The following ICE1 variants were observed in gnomAD, a reference collection of about 807,000 sequenced individuals.
ICE1 encodes the protein little elongation complex subunit 1.
A neutral mutation model predicts 192.7 loss-of-function variants in ICE1; 64 were observed. The observed-to-expected ratio is 0.33, with a 90% CI of 0.27 to 0.41. The LOEUF is 0.41. Ranked by LOEUF, ICE1 falls within the 10% of genes least tolerant of loss-of-function variation. ICE1 has a pLI of 1.00. For missense variants in ICE1, 2,708 were observed against 2,696.0 expected (o/e 1.00, Z -0.10); for synonymous variants, 1,010 against 984.5 (o/e 1.03, Z -0.49).
intron 14 of ICE1, 93 bp downstream of exon 14, chr5:5,466,595 T>G (rs1579570082): frequency 1.9e-6 from 2 of 1,058,856 alleles, no homozygotes; most frequent in East Asian, 5.2e-5. Context: ...GATTACTGTG[T>G]GTCTTTTAAA....
intron 17 of ICE1, among the ~76,000 whole-genome samples, chr5:5,482,430 A>C (rs1487569821): frequency 6.6e-6 from 1 of 152,234 alleles, no homozygotes; most frequent in African/African-American, 2.4e-5. Context: ...GATAATTAGA[A>C]AGCGTAATGT....
At chr5:5,473,427 A>G (rs1739222306) in intron 15 of ICE1, 131 bp from the exon 16 acceptor site, 1 of 767,670 alleles carries the variant, frequency 1.3e-6, no homozygotes, top group Admixed American at 3.2e-5. Context: ...TCCTTAGTCA[A>G]ACTGTTTTAA....
chr5:5,456,405 A>G (rs1010290181), intron 11 of ICE1, among the ~76,000 whole-genome samples: 3 of 152,158 alleles, frequency 2.0e-5, no homozygotes, highest in Non-Finnish European at 4.4e-5. Context: ...TTCCATCTGC[A>G]TTCATTAATT....
chr5:5,477,700 A>G (rs1008293680), intron 17 of ICE1, among the ~76,000 whole-genome samples: 2 of 152,222 alleles, frequency 1.3e-5, no homozygotes, highest in Non-Finnish European at 2.9e-5. Flanking sequence ...TTTCAGGCCA[A>G]CGTCTCCAGT....
rs375342266 is a variant in ICE1, at chr5:5,466,296, G to T, written c.5893-38G>T. On this transcript the variant is annotated intron_variant, in intron 13 of 18. Coordinates refer to ENST00000296564, the MANE Select transcript of ICE1 (RefSeq NM_015325.3). ...TCTTTGGTAGGCTGAAGATAAGTATGAGTGTACATTGCCTTTTTAATTTTT... is the reference window on the plus strand; with the variant it reads ...TCTTTGGTAGGCTGAAGATAAGTATTAGTGTACATTGCCTTTTTAATTTTT... 6.5e-6 allele frequency: 10 copies of T among 1,531,040 alleles called. No homozygotes were observed. The South Asian group carries it at 1.3e-4, about 19-fold the overall frequency. The allele number at this position is 1,531,040 out of a possible 1,614,324, so 94.8% of individuals were successfully genotyped here.
At position 5,461,770 on chromosome 5, in the gene ICE1, A is replaced by G. The variant is rs559445267; in HGVS notation, c.2436A>G (p.Glu812=). The G allele has an allele frequency of 6.2e-7, 1 of 1,613,904 alleles. No individual in the cohort carries two copies. Among genetic ancestry groups the G allele is most frequent in the African/African-American group, 1.3e-5 (1 of 75,068 alleles). The change falls in exon 13 of 19, where the codon GAA becomes GAG. Residue 812 remains glutamate (E), a synonymous_variant. Coordinates refer to ENST00000296564, the MANE Select transcript of ICE1 (RefSeq NM_015325.3). ...EESLRAKSEH[E]QKTSHQLQKA... is the part of the protein sequence containing the mutation. ...GTCTGAGAGCCAAATCAGAACATGA[A>G]CAGAAGACTAGCCATCAGTTACAAA...
In ICE1 at chr5:5,462,552, C is replaced by T. The variant is rs1738828522; in HGVS notation, c.3218C>T (p.Ser1073Leu). 6.2e-7 allele frequency: 1 copy of T among 1,613,866 alleles called. No homozygotes were observed. Among genetic ancestry groups the T allele is most frequent in the Non-Finnish European group, 8.5e-7 (1 of 1,179,894 alleles). The change falls in exon 13 of 19, where the codon TCA becomes TTA. Residue 1073 changes from serine (S) to leucine (L), a missense_variant. This residue lies in a region of ICE1 where 2,366 missense variants were observed against 2,276.6 expected (regional missense o/e 1.04). Transcript: ENST00000296564. ...CFGTTDTTFS[S>L]AFCRKHGETQ... ...GGCACCACAGACACTACTTTTTCTT[C>T]AGCATTTTGCAGAAAACATGGAGAG...
At chr5:5,448,435 A>G (rs908968190) in intron 10 of ICE1, among the ~76,000 whole-genome samples, 2 of 152,240 alleles carry the variant, frequency 1.3e-5, no homozygotes, top group African/African-American at 4.8e-5. Flanking sequence ...CACGTCTCAT[A>G]GGTGAGAAGC....
intron 16 of ICE1, among the ~76,000 whole-genome samples, chr5:5,475,599 A>C (rs1042589823): frequency 2.6e-5 from 4 of 152,138 alleles, no homozygotes; most frequent in Admixed American, 2.6e-4. Flanking sequence ...TTTGTCTGTG[A>C]TCCTGCCGGA....
At chr5:5,452,817 AAATT>A (rs1465214477) in intron 10 of ICE1, among the ~76,000 whole-genome samples, 2 of 152,172 alleles carry the variant, frequency 1.3e-5, no homozygotes, top group Admixed American at 1.3e-4. Context: ...AGTAGAAAAT[AAATT>A]AAATAAATAA....
At chr5:5,437,252 A>G (rs1489740409) in intron 3 of ICE1, 138 bp downstream of exon 3, 7 of 624,920 alleles carry the variant, frequency 1.1e-5, no homozygotes, top group Non-Finnish European at 2.0e-5. Flanking sequence ...ATGTCTCACA[A>G]GCACAGTAAA....
chr5:5,472,857 T>C (rs1348244543), intron 15 of ICE1, among the ~76,000 whole-genome samples: 2 of 152,208 alleles, frequency 1.3e-5, no homozygotes, highest in Non-Finnish European at 2.9e-5. Context: ...CACCATCTTA[T>C]AAAGTTAAGC....
intron 1 of ICE1, among the ~76,000 whole-genome samples, chr5:5,428,978 C>A (rs918063820): frequency 6.6e-6 from 1 of 152,130 alleles, no homozygotes; most frequent in Non-Finnish European, 1.5e-5. Flanking sequence ...TATAGTTATA[C>A]TCATGGCTGT....
chr5:5,475,493 T>C (rs995903578), intron 16 of ICE1, among the ~76,000 whole-genome samples: 1 of 152,234 alleles, frequency 6.6e-6, no homozygotes, highest in African/African-American at 2.4e-5. Context: ...TTTCAGTCAG[T>C]GGAAACTTTC....
chr5:5,465,890 A>G (rs2578501), intron 13 of ICE1, among the ~76,000 whole-genome samples: 109,314 of 152,078 alleles, frequency 0.72, 39,674 homozygotes, highest in East Asian at 0.86. Context: ...CTCTTAGGAC[A>G]AAAAATGTTA....
rs766744919 is a variant in ICE1 at position 5,461,630 on chromosome 5, C to A, written c.2296C>A (p.Pro766Thr). The change falls in exon 13 of 19, where the codon CCA becomes ACA. Residue 766 changes from proline to threonine, a missense_variant. By Grantham distance (38) the Pro-to-Thr change is conservative. Transcript: ENST00000296564. ...DPRIELTLNK[P>T]DFTSLIGSQA... The stretch of plus-strand genomic sequence containing the variant: ...AAGAATTGAGCTCACACTAAATAAG[C>A]CAGATTTCACATCATTAATAGGTTC... 5 of 1,613,472 alleles carry A rather than the reference C, an allele frequency of 3.1e-6. No homozygotes were observed. The highest frequency in any genetic ancestry group is 4.2e-6 in the Non-Finnish European group (5 of 1,179,706).
chr5:5,439,973 G>A, intron 4 of ICE1, 60 bp downstream of exon 4: 2 of 1,200,256 alleles, frequency 1.7e-6, no homozygotes, highest in Admixed American at 2.9e-5. Flanking sequence ...ATCTGAGATA[G>A]ACATTTATTG....
intron 17 of ICE1, among the ~76,000 whole-genome samples, chr5:5,483,404 A>C (rs1454514537): frequency 2.0e-5 from 3 of 152,230 alleles, no homozygotes; most frequent in African/African-American, 7.2e-5. Flanking sequence ...TGTTGGATTC[A>C]GGTGTGAGCA....
At chr5:5,433,384 T>C (rs1032075482) in intron 1 of ICE1, among the ~76,000 whole-genome samples, 1 of 152,198 alleles carries the variant, frequency 6.6e-6, no homozygotes, top group Non-Finnish European at 1.5e-5. Flanking sequence ...TCCATGTTAC[T>C]GATTCTCAAG....
Sources: allele counts gnomAD v4.1 joint callset (sites outside exome capture counted in the v4.1 genomes callset), GRCh38; gene constraint gnomAD v4.1.1; regional missense constraint gnomAD v4.1.1; transcripts MANE v1.5; gene names NCBI Gene and HGNC (gene_info 2026-07-23, HGNC 2026-07-21).